The following OCA2 variants were observed in gnomAD, a reference collection of about 807,000 sequenced individuals.
The protein encoded by OCA2 is OCA2 melanosomal transmembrane protein.
A neutral mutation model predicts 100.2 loss-of-function variants in OCA2; 77 were observed. The ratio of observed to expected loss-of-function variants is 0.77; its 90% CI spans 0.64 to 0.93. The LOEUF (loss-of-function observed/expected upper bound fraction) is 0.93. Ranked by LOEUF, OCA2 falls within the 40% of genes least tolerant of loss-of-function variation. The pLI is 0.00. For missense variants in OCA2, 1,062 were observed against 1,089.1 expected (o/e 0.98, Z 0.35); for synonymous variants, 432 against 439.2 (o/e 0.98, Z 0.21).
At chr15:28,062,946 T>TA (rs2043919839) in intron 2 of OCA2, among the ~76,000 whole-genome samples, 2 of 152,202 alleles carry the variant, frequency 1.3e-5, no homozygotes, top group South Asian at 4.1e-4. Flanking sequence ...CACACAGTCT[T>TA]AAATTACTGT....
chr15:27,864,869 TCGGTCTTTAGGG>T (rs2036262804), intron 21 of OCA2, among the ~76,000 whole-genome samples: 1 of 151,738 alleles, frequency 6.6e-6, no homozygotes. Flanking sequence ...CGGTTCCAAC[TCGGTCTTTAGGG>T]CCATGCAATG....
At chr15:27,932,379 C>T (rs1373852336) in intron 18 of OCA2, among the ~76,000 whole-genome samples, 2 of 151,604 alleles carry the variant, frequency 1.3e-5, no homozygotes, top group African/African-American at 4.8e-5. Flanking sequence ...GGGGAAAAGA[C>T]AAGCATGTAA....
chr15:27,770,994 C>T (rs1555403591), intron 23 of OCA2, among the ~76,000 whole-genome samples: 1 of 93,952 alleles, frequency 1.1e-5, no homozygotes, highest in Admixed American at 1.1e-4. Flanking sequence ...TTTCTTCCTT[C>T]CCTTCCTTCC....
At chr15:27,835,085 A>G (rs989824527) in intron 23 of OCA2, among the ~76,000 whole-genome samples, 1 of 152,194 alleles carries the variant, frequency 6.6e-6, no homozygotes, top group African/African-American at 2.4e-5. Context: ...TGCAGTTAAC[A>G]TGAGTCCTTG....
chr15:28,060,055 C>T (rs1171692244), intron 2 of OCA2, among the ~76,000 whole-genome samples: 1 of 152,246 alleles, frequency 6.6e-6, no homozygotes, highest in African/African-American at 2.4e-5. Context: ...CTGCTTCCAC[C>T]AACCCTCATG....
At chr15:27,824,617 T>TATATATATATATATATA (rs1020369750) in intron 23 of OCA2, among the ~76,000 whole-genome samples, 1 of 130,130 alleles carries the variant, frequency 7.7e-6, no homozygotes, top group East Asian at 2.7e-4. Flanking sequence ...TATATATATA[T>TATATATATATATATATA]ATATAATATA....
intron 23 of OCA2, among the ~76,000 whole-genome samples, chr15:27,802,766 T>G (rs928571762): frequency 1.3e-5 from 2 of 152,158 alleles, no homozygotes; most frequent in African/African-American, 2.4e-5. Context: ...ATACAAAAGT[T>G]AACTCAGGAG....
At chr15:27,738,843 AATATTT>A in the OCA2 span, among the ~76,000 whole-genome samples, 4 of 152,254 alleles carry the variant, frequency 2.6e-5, no homozygotes, top group African/African-American at 9.6e-5. Flanking sequence ...TCACTAGGGA[AATATTT>A]ATAATTTCCT....
intron 2 of OCA2, among the ~76,000 whole-genome samples, chr15:28,054,115 CATGTGTATGTAAAT>C (rs1473472112): frequency 6.6e-6 from 1 of 152,004 alleles, no homozygotes; most frequent in Non-Finnish European, 1.5e-5. Flanking sequence ...TATATAGGTG[CATGTGTATGTAAAT>C]ATGTGTATGT....
chr15:28,020,009 A>G (rs2042541563), intron 6 of OCA2, among the ~76,000 whole-genome samples: 1 of 152,164 alleles, frequency 6.6e-6, no homozygotes, highest in South Asian at 2.1e-4. Flanking sequence ...ACTGCGCTGG[A>G]GGACGCAGCA....
chr15:27,951,781 C>T lies in OCA2; in HGVS notation c.1951+3G>A, dbSNP rs765334037. ...CTATGAACCAAAGCTAAATTAGACT[C>T]ACCAAGATCAAGATGAATGCCAGGG... On this transcript the variant is annotated splice_donor_region_variant and intron_variant, in intron 18 of 23. Coordinates refer to ENST00000354638, the MANE Select transcript of OCA2 (RefSeq NM_000275.3). The T allele has an allele frequency of 1.5e-5, 24 of 1,589,738 alleles. No individual in the cohort carries two copies. Among genetic ancestry groups the T allele is most frequent in the Non-Finnish European group, 1.9e-5 (22 of 1,157,820 alleles).
At chr15:27,967,617 AGCCC>A (rs1193290882) in intron 14 of OCA2, among the ~76,000 whole-genome samples, 4 of 152,260 alleles carry the variant, frequency 2.6e-5, no homozygotes, top group African/African-American at 9.6e-5. Flanking sequence ...TGGAGAGCAC[AGCCC>A]TTTGCAGGGC....
intron 16 of OCA2, among the ~76,000 whole-genome samples, chr15:27,956,608 C>T (rs1230841337): frequency 1.3e-5 from 2 of 152,198 alleles, no homozygotes; most frequent in Admixed American, 6.5e-5. Flanking sequence ...GTTTATGAAG[C>T]GTCTCCTTTA....
At position 28,014,928 on chromosome 15, in the gene OCA2, C is replaced by G; in HGVS notation, c.892G>C (p.Glu298Gln). 6.2e-7 allele frequency: 1 copy of G among 1,614,126 alleles called. No individual in the cohort carries two copies. Among genetic ancestry groups the G allele is most frequent in the Admixed American group, 1.7e-5 (1 of 60,020 alleles). ...MSRTFEVLTRETVSISIRASL... is the reference protein window; with the variant it reads ...MSRTFEVLTRQTVSISIRASL... The stretch of plus-strand genomic sequence containing the variant: ...GCCCGGATGCTGATGGACACCGTCT[C>G]TCTGCAGAACGAAACAACGACCTTA... Residue 298 changes from glutamate (E) to glutamine (Q), a missense_variant and splice_region_variant, in exon 9 of 24, where the codon GAG becomes CAG. Physicochemically the swap from Glu to Gln is conservative, Grantham distance 29. Transcript: ENST00000354638.
rs563689031 is a variant in OCA2 at position 28,017,827 on chromosome 15, G to A, written c.807+570C>T. On this transcript the variant is annotated intron_variant, in intron 7 of 23. Transcript: ENST00000354638. ...AGTGGAGTCTCCGAGGCCAGGGCTC[G>A]GGGGAGTCAGGCTTGCGTGGAAGGA... 7.2e-5 allele frequency among the ~76,000 whole-genome samples: 11 copies of A among 152,254 alleles called. No individual in the cohort carries two copies. The South Asian group carries it at 1.9e-3, about 26-fold the overall frequency.
intron 2 of OCA2, among the ~76,000 whole-genome samples, chr15:28,055,657 C>T (rs547923870): frequency 6.6e-6 from 1 of 152,332 alleles, no homozygotes; most frequent in Non-Finnish European, 1.5e-5. Context: ...GTTTGGTGCT[C>T]CAGCCTCCTC....
At chr15:27,923,165 T>C (rs1376162392) in intron 19 of OCA2, among the ~76,000 whole-genome samples, 1 of 152,222 alleles carries the variant, frequency 6.6e-6, no homozygotes, top group African/African-American at 2.4e-5. Flanking sequence ...AATGGCTGCA[T>C]AGTGTTCCAT....
At chr15:27,897,553 G>C (rs760147711) in intron 19 of OCA2, among the ~76,000 whole-genome samples, 22 of 152,240 alleles carry the variant, frequency 1.4e-4, no homozygotes, top group Admixed American at 2.6e-4. Flanking sequence ...TTGAGGTTTG[G>C]AACCCTCCAC....
chr15:27,816,902 C>T (rs1439299076), intron 23 of OCA2, among the ~76,000 whole-genome samples: 1 of 152,288 alleles, frequency 6.6e-6, no homozygotes. Context: ...TCCGGAGCCA[C>T]CCACTGCAGT....
Sources: gnomAD v4.1 joint callset for allele counts (sites outside exome capture counted in the v4.1 genomes callset) on GRCh38, gnomAD v4.1.1 for gene constraint, MANE v1.5 for transcripts, NCBI Gene and HGNC (gene_info 2026-07-23, HGNC 2026-07-21) for gene names.